SLC6A15: variants seen among roughly 807,000 people sequenced by gnomAD.
SLC6A15 encodes the protein solute carrier family 6 member 15, also known as sodium-dependent neutral amino acid transporter B(0)AT2.
Under a neutral mutation model 68.5 loss-of-function variants are expected in SLC6A15, and 33 were observed. The ratio of observed to expected loss-of-function variants is 0.48; its 90% CI spans 0.37 to 0.64. The LOEUF is 0.64. Ranked by LOEUF, SLC6A15 falls within the 30% of genes least tolerant of loss-of-function variation. SLC6A15 has a pLI of 0.00. For synonymous variants in SLC6A15, 347 were observed against 301.0 expected (o/e 1.15, Z -1.58); for missense variants, 747 against 874.3 (o/e 0.85, Z 1.84).
intron 1 of SLC6A15, among the ~76,000 whole-genome samples, chr12:84,911,532 T>G (rs891479690): frequency 6.6e-6 from 1 of 152,152 alleles, no homozygotes; most frequent in Non-Finnish European, 1.5e-5. Context: ...CCTGGGGGCT[T>G]TGCTTCCTAA....
chr12:84,900,670 T>C (rs1185847713), intron 1 of SLC6A15, among the ~76,000 whole-genome samples: 2 of 151,770 alleles, frequency 1.3e-5, no homozygotes, highest in Non-Finnish European at 3.0e-5. Flanking sequence ...GTGTTAAATT[T>C]TGACAAATTA....
rs770482555 is a variant in SLC6A15, at chr12:84,870,526, C to T, written c.1447G>A (p.Val483Ile). The change falls in exon 9 of 12, where the codon GTC becomes ATC. Residue 483 changes from valine (V) to isoleucine (I), a missense_variant. Coordinates refer to ENST00000266682, the MANE Select transcript of SLC6A15 (RefSeq NM_182767.6). ...TTGAAAGTGTCCACAATAGGCGTGA[C>T]AATCCCTTCAATGGTTCCAAACATA... Reference protein sequence around the residue: ...GSMFGTIEGIVTPIVDTFKVR... With the variant: ...GSMFGTIEGIITPIVDTFKVR... 6.3e-7 allele frequency: 1 copy of T among 1,589,744 alleles called. No individual in the cohort carries two copies. Among genetic ancestry groups the T allele is most frequent in the Non-Finnish European group, 8.6e-7 (1 of 1,166,876 alleles).
intron 5 of SLC6A15, chr12:84,883,036 A>T: frequency 3.0e-6 from 3 of 985,264 alleles, no homozygotes; most frequent in Non-Finnish European, 3.6e-6. Flanking sequence ...TTATACTTTG[A>T]AAAGGAAAAT....
chr12:84,901,601 A>G (rs1332894178), intron 1 of SLC6A15, among the ~76,000 whole-genome samples: 1 of 151,752 alleles, frequency 6.6e-6, no homozygotes, highest in Non-Finnish European at 1.5e-5. Flanking sequence ...CATTGTTACA[A>G]TCTCTTTTGA....
rs1267088636 is a variant in SLC6A15 at position 84,875,681 on chromosome 12, TATATATATATATATATATGAG to T, written c.867+795_867+815del. Among the ~76,000 whole-genome samples the T allele has an allele frequency of 2.2e-3, 19 of 8,578 alleles. 4 individuals are homozygous for T. The highest frequency in any genetic ancestry group is 6.0e-3 in the African/African-American group (16 of 2,678). The allele number at this position is 8,578 out of a possible 152,430, so 5.6% of individuals were successfully genotyped here. A position where few individuals can be genotyped will look rare whatever the true frequency, so the allele number is the denominator to read the frequency against. Reference sequence around the variant, plus strand: ...ATATATATATATATATATATATATATATATATATATATATATATGAGAATCAAAAACGTGGTCCCTGTTAAA... The same window carrying T: ...ATATATATATATATATATATATATATAATCAAAAACGTGGTCCCTGTTAAA... On this transcript the variant is annotated intron_variant, in intron 6 of 11. Transcript: ENST00000266682.
rs75777719 is a variant in SLC6A15 at position 84,866,748 on chromosome 12, C to G, written c.1655+286G>C. 2.0e-5 allele frequency among the ~76,000 whole-genome samples: 3 copies of G among 152,268 alleles called. No individual in the cohort carries two copies. The East Asian group carries it at 5.8e-4, about 29-fold the overall frequency. On this transcript the variant is annotated intron_variant, in intron 10 of 11. Coordinates refer to ENST00000266682, the MANE Select transcript of SLC6A15 (RefSeq NM_182767.6). Reference sequence around the variant, plus strand: ...TCAAAAGAAACTAAGGTTCTTGGAACTCTGCCAATACTTACTAAATCCTGA... The same window carrying G: ...TCAAAAGAAACTAAGGTTCTTGGAAGTCTGCCAATACTTACTAAATCCTGA...
chr12:84,885,277 A>AG (rs1255362814), intron 4 of SLC6A15, among the ~76,000 whole-genome samples, 158 bp downstream of exon 4: 10 of 152,182 alleles, frequency 6.6e-5, no homozygotes, highest in Non-Finnish European at 1.3e-4. Context: ...GTCTATCTCT[A>AG]AGAGTATGTC....
chr12:84,890,236 T>C (rs1367950189), intron 2 of SLC6A15, among the ~76,000 whole-genome samples: 1 of 152,148 alleles, frequency 6.6e-6, no homozygotes, highest in African/African-American at 2.4e-5. Flanking sequence ...TTTTAATATA[T>C]GGAAATAAGA....
chr12:84,878,450 C>G (rs1871660948), intron 5 of SLC6A15, among the ~76,000 whole-genome samples: 1 of 151,986 alleles, frequency 6.6e-6, no homozygotes. Context: ...TGTGGCTAGC[C>G]AGAAGCATGG....
chr12:84,883,114 G>A, intron 5 of SLC6A15: 1 of 971,396 alleles, frequency 1.0e-6, no homozygotes, highest in Non-Finnish European at 1.2e-6. Context: ...ATCCAGCCAA[G>A]AGATGTGGAG....
intron 5 of SLC6A15, among the ~76,000 whole-genome samples, chr12:84,879,841 A>G (rs1871739852): frequency 1.4e-5 from 2 of 147,286 alleles, no homozygotes; most frequent in African/African-American, 4.9e-5. Flanking sequence ...CTCTTTGCAT[A>G]TCCATCAGTG....
At chr12:84,872,195 A>T (rs894038848) in intron 8 of SLC6A15, among the ~76,000 whole-genome samples, 1 of 152,038 alleles carries the variant, frequency 6.6e-6, no homozygotes, top group African/African-American at 2.4e-5. Context: ...CTTGTGGAAC[A>T]CAACTATTAA....
At chr12:84,873,453 G>A (rs2120580040) in intron 6 of SLC6A15, 125 bp from the exon 7 acceptor site, 1 of 1,104,020 alleles carries the variant, frequency 9.1e-7, no homozygotes. Context: ...ATTTAAATCG[G>A]GAAATAATAT....
intron 2 of SLC6A15, among the ~76,000 whole-genome samples, chr12:84,889,700 C>A (rs1872300350): frequency 1.3e-5 from 2 of 151,826 alleles, no homozygotes; most frequent in Admixed American, 6.6e-5. Flanking sequence ...TTAATGTATC[C>A]CTTATAAGAA....
At chr12:84,907,350 A>T (rs1873217789) in intron 1 of SLC6A15, among the ~76,000 whole-genome samples, 2 of 152,002 alleles carry the variant, frequency 1.3e-5, no homozygotes, top group Non-Finnish European at 2.9e-5. Context: ...TCCGTCTCGA[A>T]AAAAAACAAA....
chr12:84,881,583 T>A, intron 5 of SLC6A15: 1 of 985,430 alleles, frequency 1.0e-6, no homozygotes, highest in Non-Finnish European at 1.2e-6. Flanking sequence ...TCATGCAGTT[T>A]CCACTTAGCA....
chr12:84,873,791 G>A (rs1871395812), intron 6 of SLC6A15, among the ~76,000 whole-genome samples: 1 of 152,032 alleles, frequency 6.6e-6, no homozygotes, highest in Non-Finnish European at 1.5e-5. Context: ...TATAAACTTC[G>A]CAGAGTTGAA....
chr12:84,865,649 T>C (rs996250298), intron 10 of SLC6A15, among the ~76,000 whole-genome samples: 5 of 152,224 alleles, frequency 3.3e-5, no homozygotes, highest in African/African-American at 1.2e-4. Context: ...TGTTAACTGC[T>C]GATGTTTTTA....
At chr12:84,868,082 A>G (rs189069108) in intron 9 of SLC6A15, among the ~76,000 whole-genome samples, 1 of 152,246 alleles carries the variant, frequency 6.6e-6, no homozygotes, top group East Asian at 1.9e-4. Flanking sequence ...GCTAAGGAAA[A>G]AAGACATCCA....
Sources: allele counts gnomAD v4.1 joint callset (sites outside exome capture counted in the v4.1 genomes callset), GRCh38; gene constraint gnomAD v4.1.1; transcripts MANE v1.5; gene names NCBI Gene and HGNC (gene_info 2026-07-23, HGNC 2026-07-21).